Variants in GPC5 observed in about 807,000 individuals in gnomAD.
GPC5 encodes glypican 5.
GPC5 carries 47 observed loss-of-function variants against 53.9 expected under a neutral mutation model. That is an observed-to-expected ratio of 0.87 (90% CI 0.69 to 1.11). The LOEUF (loss-of-function observed/expected upper bound fraction) is 1.11, where lower values mean the gene tolerates loss of function less well. GPC5 is among the 50% of genes most tolerant of loss of function. The probability of loss-of-function intolerance (pLI) is 0.00; values close to 1 mark genes in which losing one functional copy is unlikely to be tolerated. For missense variants in GPC5, 748 were observed against 713.1 expected (o/e 1.05, Z -0.56); for synonymous variants, 286 against 263.3 (o/e 1.09, Z -0.84).
chr13:92,658,187 A>G (rs1410326150), intron 7 of GPC5, among the ~76,000 whole-genome samples: 1 of 152,086 alleles, frequency 6.6e-6, no homozygotes, highest in Non-Finnish European at 1.5e-5. Flanking sequence ...TCATAATTAT[A>G]TGGGCTAGCT....
intron 6 of GPC5, among the ~76,000 whole-genome samples, chr13:91,922,163 G>A (rs2041939606): frequency 6.6e-6 from 1 of 152,112 alleles, no homozygotes; most frequent in Non-Finnish European, 1.5e-5. Context: ...CAATTAATCA[G>A]GTTGATTATG....
At chr13:91,523,301 T>C (rs1055046429) in intron 2 of GPC5, among the ~76,000 whole-genome samples, 4 of 152,202 alleles carry the variant, frequency 2.6e-5, no homozygotes, top group Non-Finnish European at 5.9e-5. Context: ...ACCATGTTCA[T>C]TGCAGCATTG....
chr13:91,672,244 G>A (rs1223915544), intron 2 of GPC5, among the ~76,000 whole-genome samples: 5 of 152,092 alleles, frequency 3.3e-5, no homozygotes, highest in Admixed American at 3.3e-4. Flanking sequence ...TTGAAAAATG[G>A]GATCTAATTA....
chr13:92,850,605 G>C (rs1213807395), intron 7 of GPC5, among the ~76,000 whole-genome samples: 1 of 147,972 alleles, frequency 6.8e-6, no homozygotes, highest in Non-Finnish European at 1.5e-5. Flanking sequence ...TCTCAAGAAA[G>C]AAAAAAAAAA....
intron 5 of GPC5, among the ~76,000 whole-genome samples, chr13:91,766,707 A>G (rs2037531922): frequency 1.3e-5 from 2 of 152,116 alleles, no homozygotes; most frequent in African/African-American, 4.8e-5. Context: ...CTAAAAATAC[A>G]AAATTAACTG....
At chr13:92,072,212 A>T in intron 6 of GPC5, among the ~76,000 whole-genome samples, 1 of 148,936 alleles carries the variant, frequency 6.7e-6, no homozygotes, top group South Asian at 2.1e-4. Flanking sequence ...TGTATATATA[A>T]ATATATTTAT....
chr13:92,417,301 G>T (rs1876355819), intron 7 of GPC5, among the ~76,000 whole-genome samples: 1 of 152,194 alleles, frequency 6.6e-6, no homozygotes, highest in African/African-American at 2.4e-5. Context: ...ACACTCCGAT[G>T]AGATACCACT....
chr13:92,519,271 A>G (rs1023610118), intron 7 of GPC5, among the ~76,000 whole-genome samples: 32 of 152,248 alleles, frequency 2.1e-4, no homozygotes, highest in African/African-American at 7.5e-4. Context: ...CTCTGAACCA[A>G]GCAGACCTAA....
intron 7 of GPC5, among the ~76,000 whole-genome samples, chr13:92,369,003 G>A (rs1460381092): frequency 2.0e-5 from 3 of 152,112 alleles, no homozygotes; most frequent in Non-Finnish European, 4.4e-5. Flanking sequence ...CTGTCTTACT[G>A]GTATTTGTCA....
At position 91,925,052 on chromosome 13, in the gene GPC5, C is replaced by T. The variant is rs1466261762; in HGVS notation, c.1401+16995C>T. Among the ~76,000 whole-genome samples the T allele has an allele frequency of 5.9e-5, 9 of 152,116 alleles. No homozygotes were observed. In the East Asian group the frequency reaches 1.7e-3, roughly 29 times the overall value. ...ACCAGGATGGTCTCGATCTCCTGATCTCGTGATCCGCCCGCCTCGGCCTCC... is the reference window on the plus strand; with the variant it reads ...ACCAGGATGGTCTCGATCTCCTGATTTCGTGATCCGCCCGCCTCGGCCTCC... On this transcript the variant is annotated intron_variant, in intron 6 of 7. Transcript: ENST00000377067.
chr13:92,194,621 G>A (rs2042245069), intron 7 of GPC5, among the ~76,000 whole-genome samples: 1 of 152,214 alleles, frequency 6.6e-6, no homozygotes, highest in Non-Finnish European at 1.5e-5. Context: ...AGGTAAGTGT[G>A]TTCTGTGAAT....
intron 7 of GPC5, among the ~76,000 whole-genome samples, chr13:92,562,670 A>G (rs1335687852): frequency 6.6e-6 from 1 of 151,960 alleles, no homozygotes; most frequent in Non-Finnish European, 1.5e-5. Context: ...GCTTCATCAT[A>G]GGTCTGGGGG....
intron 5 of GPC5, among the ~76,000 whole-genome samples, chr13:91,871,429 G>T (rs530025819): frequency 6.6e-6 from 1 of 151,844 alleles, no homozygotes; most frequent in Non-Finnish European, 1.5e-5. Context: ...GTGATGAAAT[G>T]ATATATACAA....
At chr13:92,434,047 A>G (rs1401878486) in intron 7 of GPC5, among the ~76,000 whole-genome samples, 2 of 152,226 alleles carry the variant, frequency 1.3e-5, no homozygotes, top group Non-Finnish European at 2.9e-5. Context: ...AGAAATGAGT[A>G]CAGTTAGCAC....
intron 5 of GPC5, among the ~76,000 whole-genome samples, chr13:91,839,771 AT>A (rs1177247246): frequency 6.6e-6 from 1 of 152,124 alleles, no homozygotes; most frequent in Non-Finnish European, 1.5e-5. Flanking sequence ...ATTAATATGA[AT>A]TATAAGTCAT....
chr13:91,934,841 A>G (rs563178359), intron 6 of GPC5, among the ~76,000 whole-genome samples: 1 of 152,030 alleles, frequency 6.6e-6, no homozygotes, highest in Non-Finnish European at 1.5e-5. Context: ...ACAGAGCAGT[A>G]TTCACAAACA....
intron 7 of GPC5, among the ~76,000 whole-genome samples, chr13:92,839,847 C>T (rs369026744): frequency 3.2e-4 from 49 of 151,956 alleles, no homozygotes; most frequent in South Asian, 1.7e-3. Flanking sequence ...AACCCTTCCA[C>T]GTATCTTATC....
At chr13:92,817,449 T>C (rs1409990345) in intron 7 of GPC5, among the ~76,000 whole-genome samples, 1 of 152,010 alleles carries the variant, frequency 6.6e-6, no homozygotes, top group Non-Finnish European at 1.5e-5. Flanking sequence ...TTAGTACAGC[T>C]TTTTGATTAC....
intron 7 of GPC5, among the ~76,000 whole-genome samples, chr13:92,358,570 T>C (rs2043541483): frequency 6.6e-6 from 1 of 151,750 alleles, no homozygotes; most frequent in South Asian, 2.1e-4. Context: ...ACCAGACTTC[T>C]GCCTGGACAT....
Sources: allele counts gnomAD v4.1 joint callset (sites outside exome capture counted in the v4.1 genomes callset), GRCh38; gene constraint gnomAD v4.1.1; transcripts MANE v1.5; gene names NCBI Gene and HGNC (gene_info 2026-07-23, HGNC 2026-07-21).